GRM1: variants seen among roughly 807,000 people sequenced by gnomAD.
The protein encoded by GRM1 is metabotropic glutamate receptor 1.
A neutral mutation model predicts 90.9 loss-of-function variants in GRM1; 33 were observed. The observed-to-expected ratio is 0.36, with a 90% CI of 0.28 to 0.49. The LOEUF (loss-of-function observed/expected upper bound fraction) is 0.49. Ranked by LOEUF, GRM1 falls within the 20% of genes least tolerant of loss-of-function variation. The pLI is 0.99. For missense variants in GRM1, 1,190 were observed against 1,534.3 expected, an observed-to-expected ratio of 0.78 and a Z score of 3.75; for synonymous variants, 700 against 613.2, an observed-to-expected ratio of 1.14 and a Z score of -2.09.
intron 2 of GRM1, among the ~76,000 whole-genome samples, chr6:146,261,607 T>C (rs971622938): frequency 5.3e-5 from 8 of 152,178 alleles, no homozygotes; most frequent in African/African-American, 1.7e-4. Flanking sequence ...ATCTGACAGG[T>C]ACTTTCTCAC....
At chr6:146,218,889 C>T (rs915519285) in intron 2 of GRM1, among the ~76,000 whole-genome samples, 1 of 152,256 alleles carries the variant, frequency 6.6e-6, no homozygotes, top group East Asian at 1.9e-4. Flanking sequence ...ATGATAAAGA[C>T]AACATCATGG....
chr6:146,148,143 C>G (rs1421530984), intron 1 of GRM1, among the ~76,000 whole-genome samples: 1 of 152,152 alleles, frequency 6.6e-6, no homozygotes, highest in Non-Finnish European at 1.5e-5. Context: ...CAATTCCCTT[C>G]TGGAAAAATT....
chr6:146,165,454 G>T (rs1777873681), intron 2 of GRM1, among the ~76,000 whole-genome samples: 1 of 152,050 alleles, frequency 6.6e-6, no homozygotes, highest in Non-Finnish European at 1.5e-5. Flanking sequence ...AAATTGCAAA[G>T]ATTTTATTTT....
chr6:146,123,139 G>A (rs1471154489), intron 1 of GRM1, among the ~76,000 whole-genome samples: 2 of 151,934 alleles, frequency 1.3e-5, no homozygotes, highest in Admixed American at 6.6e-5. Context: ...CACCGTGCCC[G>A]GCCTGTGATT....
chr6:146,280,972 C>T (rs750896517), intron 2 of GRM1, among the ~76,000 whole-genome samples: 14 of 152,034 alleles, frequency 9.2e-5, no homozygotes, highest in Non-Finnish European at 1.5e-4. Flanking sequence ...CCTCACCCAT[C>T]CTTTCTTTTC....
chr6:146,316,184 G>C (rs112956796), intron 3 of GRM1, among the ~76,000 whole-genome samples: 1 of 152,114 alleles, frequency 6.6e-6, no homozygotes, highest in Non-Finnish European at 1.5e-5. Flanking sequence ...CTGGCTTTTA[G>C]AGGCCACTCA....
At chr6:146,228,167 A>T (rs1780316735) in intron 2 of GRM1, among the ~76,000 whole-genome samples, 1 of 152,198 alleles carries the variant, frequency 6.6e-6, no homozygotes, top group African/African-American at 2.4e-5. Context: ...GTTGCTGAAG[A>T]GGATTGATTT....
intron 1 of GRM1, among the ~76,000 whole-genome samples, chr6:146,135,604 G>T (rs1776589121): frequency 1.3e-5 from 2 of 152,128 alleles, no homozygotes; most frequent in African/African-American, 2.4e-5. Context: ...TTACATTGAG[G>T]CAGAACCAAC....
At chr6:146,338,904 T>G (rs1008688787) in intron 3 of GRM1, among the ~76,000 whole-genome samples, 1 of 152,152 alleles carries the variant, frequency 6.6e-6, no homozygotes, top group African/African-American at 2.4e-5. Flanking sequence ...CTCTGTGTCT[T>G]ATTCTTGCTT....
chr6:146,071,025 T>C (rs1042605401), intron 1 of GRM1, among the ~76,000 whole-genome samples: 1 of 152,164 alleles, frequency 6.6e-6, no homozygotes, highest in Non-Finnish European at 1.5e-5. Flanking sequence ...ATCACTTGCT[T>C]TTTGTGTATC....
intron 2 of GRM1, among the ~76,000 whole-genome samples, chr6:146,162,844 G>T (rs1428897133): frequency 1.3e-5 from 2 of 150,714 alleles, no homozygotes; most frequent in Non-Finnish European, 2.9e-5. Context: ...AACAAAACGT[G>T]GACTAAGAGT....
rs185694435 is a variant in GRM1 at position 146,175,501 on chromosome 6, T to C, written c.950+15904T>C. 1.9e-3 allele frequency among the ~76,000 whole-genome samples: 291 copies of C among 152,340 alleles called. 1 individual carries two copies. The highest frequency in any genetic ancestry group is 3.2e-3 in the Non-Finnish European group (215 of 68,016). On this transcript the variant is annotated intron_variant, in intron 2 of 7. Coordinates refer to ENST00000282753, the MANE Select transcript of GRM1 (RefSeq NM_001278064.2). The stretch of plus-strand genomic sequence containing the variant: ...CATGTCTATATAGATGGTGTTTCTT[T>C]GCTGGGTTTATTGTGTTTTCCATGT...
intron 3 of GRM1, among the ~76,000 whole-genome samples, chr6:146,314,725 C>T (rs2114953141): frequency 6.6e-6 from 1 of 152,166 alleles, no homozygotes; most frequent in Non-Finnish European, 1.5e-5. Context: ...GAGTGTATTC[C>T]ATCATTCCAT....
chr6:146,415,138 G>A (rs2114639262), intron 7 of GRM1, among the ~76,000 whole-genome samples: 1 of 152,298 alleles, frequency 6.6e-6, no homozygotes, highest in African/African-American at 2.4e-5. Flanking sequence ...TCTGAGAATA[G>A]GGTAGCAGCA....
chr6:146,113,572 C>T (rs1294173769), intron 1 of GRM1, among the ~76,000 whole-genome samples: 4 of 152,094 alleles, frequency 2.6e-5, no homozygotes, highest in African/African-American at 4.8e-5. Flanking sequence ...AGCTTCATTT[C>T]GTTCCTCTTA....
At chr6:146,075,563 T>G (rs10872583) in intron 1 of GRM1, among the ~76,000 whole-genome samples, 58,746 of 152,056 alleles carry the variant, frequency 0.39, 11,824 homozygotes, top group Middle Eastern at 0.53. Context: ...AGAATCTGCA[T>G]AAAGGACTGA....
chr6:146,417,331 C>G (rs77746263), intron 7 of GRM1, among the ~76,000 whole-genome samples: 1,961 of 152,202 alleles, frequency 0.013, 47 homozygotes, highest in African/African-American at 0.045. Context: ...AGTTAGTTTG[C>G]CCTGGGGTAC....
intron 2 of GRM1, among the ~76,000 whole-genome samples, chr6:146,283,407 G>A (rs139410687): frequency 3.7e-4 from 57 of 152,190 alleles, no homozygotes; most frequent in African/African-American, 1.3e-3. Context: ...GGAAAACATC[G>A]GGTAGTCCTG....
In GRM1 at chr6:146,238,152, G is replaced by A. The variant is rs1413629750; in HGVS notation, c.951-66459G>A. Reference sequence around the variant, plus strand: ...CAACAAGCAAAACGAAAAACACAACGTAGGAAATATTGTTCACATTTCCAA... The same window carrying A: ...CAACAAGCAAAACGAAAAACACAACATAGGAAATATTGTTCACATTTCCAA... On this transcript the variant is annotated intron_variant, in intron 2 of 7. Transcript: ENST00000282753. Among the ~76,000 whole-genome samples the A allele has an allele frequency of 3.3e-5, 5 of 152,120 alleles. No homozygotes were observed. In the South Asian group the frequency reaches 6.2e-4, roughly 19 times the overall value.
Sources: allele counts gnomAD v4.1 joint callset (sites outside exome capture counted in the v4.1 genomes callset), GRCh38; gene constraint gnomAD v4.1.1; transcripts MANE v1.5; gene names NCBI Gene and HGNC (gene_info 2026-07-23, HGNC 2026-07-21).